The following DRC11 variants were observed in gnomAD, a reference collection of about 807,000 sequenced individuals.
DRC11 encodes the protein IQ and AAA domain-containing protein 1.
the DRC11 span, among the ~76,000 whole-genome samples, chr2:236,371,146 A>G: frequency 6.6e-6 from 1 of 151,200 alleles, no homozygotes; most frequent in Non-Finnish European, 1.5e-5. This position sits in a 1 kb window ranked among gnomAD's most constrained non-coding sequence, Gnocchi z 5.1. Flanking sequence ...CCCTGCCTGG[A>G]TGAAGGGCTG....
At chr2:236,426,035 G>A in the DRC11 span, among the ~76,000 whole-genome samples, 1 of 151,906 alleles carries the variant, frequency 6.6e-6, no homozygotes, top group East Asian at 1.9e-4. The surrounding 1 kb of genome is among the most constrained non-coding windows in gnomAD (Gnocchi z 4.1). Flanking sequence ...GCTTTCTGTA[G>A]CTTTGTAATA....
the DRC11 span, among the ~76,000 whole-genome samples, chr2:236,500,082 A>AGAT: frequency 0.019 from 2,864 of 150,580 alleles, 23 homozygotes; most frequent in Non-Finnish European, 0.026. This position sits in a 1 kb window ranked among gnomAD's most constrained non-coding sequence, Gnocchi z 6.3. Flanking sequence ...TTTTGGGTTC[A>AGAT]GATGATGATG....
At chr2:236,350,239 C>T in the DRC11 span, among the ~76,000 whole-genome samples, 7 of 152,146 alleles carry the variant, frequency 4.6e-5, no homozygotes, top group African/African-American at 1.4e-4. This position sits in a 1 kb window ranked among gnomAD's most constrained non-coding sequence, Gnocchi z 5.2. Context: ...GTTCCTTTAA[C>T]GTGTAGCTCC....
At chr2:236,391,830 T>C in the DRC11 span, 1 of 686,394 alleles carries the variant, frequency 1.5e-6, no homozygotes, top group Middle Eastern at 4.1e-4. The surrounding 1 kb of genome is among the most constrained non-coding windows in gnomAD (Gnocchi z 4.5). Flanking sequence ...GGTGGACCAA[T>C]TAAATTTACC....
chr2:236,497,536 G>A, the DRC11 span: 5 of 1,383,964 alleles, frequency 3.6e-6, no homozygotes, highest in South Asian at 2.9e-5. The surrounding 1 kb of genome is among the most constrained non-coding windows in gnomAD (Gnocchi z 5.1). Flanking sequence ...AAAATCACTT[G>A]GTAAAACATA....
At chr2:236,389,108 T>C in the DRC11 span, among the ~76,000 whole-genome samples, 1 of 152,172 alleles carries the variant, frequency 6.6e-6, no homozygotes, top group African/African-American at 2.4e-5. Context: ...GTTACTGCTG[T>C]CTTTTTGTTT....
chr2:236,422,783 A>G, the DRC11 span, among the ~76,000 whole-genome samples: 519 of 152,008 alleles, frequency 3.4e-3, 3 homozygotes, highest in African/African-American at 0.012. Context: ...GAGGCACCAC[A>G]CTACCTGACT....
the DRC11 span, among the ~76,000 whole-genome samples, chr2:236,466,010 T>C: frequency 6.6e-6 from 1 of 152,126 alleles, no homozygotes; most frequent in Non-Finnish European, 1.5e-5. Context: ...CTGAGAATTA[T>C]AGAAAAGAAA....
the DRC11 span, among the ~76,000 whole-genome samples, chr2:236,381,713 T>C: frequency 6.6e-6 from 1 of 152,264 alleles, no homozygotes; most frequent in Non-Finnish European, 1.5e-5. The surrounding 1 kb of genome is among the most constrained non-coding windows in gnomAD (Gnocchi z 5.8). Flanking sequence ...TGTGCTTATT[T>C]CATGTGCTTA....
the DRC11 span, chr2:236,399,317 A>G: frequency 1.0e-6 from 1 of 977,782 alleles, no homozygotes; most frequent in Non-Finnish European, 1.6e-6. The surrounding 1 kb of genome is among the most constrained non-coding windows in gnomAD (Gnocchi z 7.0). Context: ...GACAGGCAGA[A>G]TGTCTCGGTT....
At chr2:236,373,125 ATAATT>A in the DRC11 span, among the ~76,000 whole-genome samples, 1 of 152,044 alleles carries the variant, frequency 6.6e-6, no homozygotes, top group East Asian at 1.9e-4. Context: ...TGTATTCATT[ATAATT>A]TATTTTTTTC....
At chr2:236,503,419 A>G in the DRC11 span, among the ~76,000 whole-genome samples, 1 of 152,224 alleles carries the variant, frequency 6.6e-6, no homozygotes, top group South Asian at 2.1e-4. The surrounding 1 kb of genome is among the most constrained non-coding windows in gnomAD (Gnocchi z 4.9). Flanking sequence ...TCAGAGAAGC[A>G]GGACTTTTCC....
chr2:236,311,091 G>A, the DRC11 span, among the ~76,000 whole-genome samples: 1 of 152,214 alleles, frequency 6.6e-6, no homozygotes, highest in Non-Finnish European at 1.5e-5. The surrounding 1 kb of genome is among the most constrained non-coding windows in gnomAD (Gnocchi z 6.9). Context: ...AGCCTTGGGG[G>A]TCCCTTGGCC....
At chr2:236,331,377 C>G in the DRC11 span, 3 of 1,613,168 alleles carry the variant, frequency 1.9e-6, no homozygotes, top group Non-Finnish European at 2.5e-6. The surrounding 1 kb of genome is among the most constrained non-coding windows in gnomAD (Gnocchi z 4.8). Context: ...TCTCTTCTTC[C>G]TCTTTGTACA....
chr2:236,340,179 G>A, the DRC11 span, among the ~76,000 whole-genome samples: 1 of 152,178 alleles, frequency 6.6e-6, no homozygotes, highest in Non-Finnish European at 1.5e-5. Flanking sequence ...CATCCAGGCT[G>A]CAGTGCAGTT....
At chr2:236,337,346 G>A in the DRC11 span, among the ~76,000 whole-genome samples, 8 of 152,036 alleles carry the variant, frequency 5.3e-5, no homozygotes, top group African/African-American at 1.4e-4. This position sits in a 1 kb window ranked among gnomAD's most constrained non-coding sequence, Gnocchi z 4.9. Context: ...TTCACCACCC[G>A]TCCTTCCCTC....
the DRC11 span, among the ~76,000 whole-genome samples, chr2:236,315,350 A>G: frequency 6.6e-6 from 1 of 152,290 alleles, no homozygotes; most frequent in African/African-American, 2.4e-5. The surrounding 1 kb of genome is among the most constrained non-coding windows in gnomAD (Gnocchi z 5.1). Context: ...GTGATAAGTG[A>G]AACAATAAAG....
At chr2:236,381,467 A>C in the DRC11 span, among the ~76,000 whole-genome samples, 1 of 151,036 alleles carries the variant, frequency 6.6e-6, no homozygotes, top group African/African-American at 2.4e-5. The surrounding 1 kb of genome is among the most constrained non-coding windows in gnomAD (Gnocchi z 5.8). Flanking sequence ...GGCAGTACCC[A>C]ATCGCCTTTC....
the DRC11 span, among the ~76,000 whole-genome samples, chr2:236,448,110 A>G: frequency 6.6e-6 from 1 of 152,268 alleles, no homozygotes; most frequent in South Asian, 2.1e-4. This position sits in a 1 kb window ranked among gnomAD's most constrained non-coding sequence, Gnocchi z 5.3. Flanking sequence ...TAATTAGGAA[A>G]GATCTCTGCA....
Sources: allele counts gnomAD v4.1 joint callset (sites outside exome capture counted in the v4.1 genomes callset), GRCh38; gene constraint gnomAD v4.1.1; non-coding constraint Gnocchi (gnomAD v3.1); transcripts MANE v1.5; gene names NCBI Gene and HGNC (gene_info 2026-07-23, HGNC 2026-07-21).